PRELID2: variants seen among roughly 807,000 people sequenced by gnomAD.
PRELID2 encodes the protein PRELI domain-containing protein 2.
A neutral mutation model predicts 28.4 loss-of-function variants in PRELID2; 25 were observed. That is an observed-to-expected ratio of 0.88 (90% CI 0.64 to 1.23). The LOEUF (loss-of-function observed/expected upper bound fraction) is 1.23. Ranked by LOEUF, PRELID2 falls within the 50% of genes most tolerant of loss-of-function variation. The pLI, the probability that PRELID2 is intolerant of heterozygous loss-of-function variation, is 0.00. For synonymous variants in PRELID2, 76 were observed against 71.6 expected, an observed-to-expected ratio of 1.06 and a Z score of -0.31; for missense variants, 201 against 214.4, an observed-to-expected ratio of 0.94 and a Z score of 0.39.
the PRELID2 span, among the ~76,000 whole-genome samples, chr5:145,304,843 A>G: frequency 6.6e-6 from 1 of 152,146 alleles, no homozygotes; most frequent in Non-Finnish European, 1.5e-5. Flanking sequence ...AATTTTGTAA[A>G]CAAAATTTCA....
At chr5:145,586,375 G>T (rs1753155084) in intron 1 of PRELID2, among the ~76,000 whole-genome samples, 1 of 152,068 alleles carries the variant, frequency 6.6e-6, no homozygotes, top group Admixed American at 6.6e-5. Context: ...AGGTGCAGTG[G>T]CTCACACATG....
the PRELID2 span, among the ~76,000 whole-genome samples, chr5:145,334,687 C>T: frequency 6.6e-6 from 1 of 151,956 alleles, no homozygotes; most frequent in Non-Finnish European, 1.5e-5. Flanking sequence ...GTCAAACTTC[C>T]TCAGCATTTC....
the PRELID2 span, among the ~76,000 whole-genome samples, chr5:145,454,192 G>C: frequency 6.6e-6 from 1 of 152,066 alleles, no homozygotes; most frequent in African/African-American, 2.4e-5. Context: ...TTATGGTTTG[G>C]ATTTGATGCA....
exon 3 of PRELID2, chr5:145,471,985 A>C (rs1488268126): frequency 6.6e-6 from 1 of 152,160 alleles, no homozygotes; most frequent in African/African-American, 2.4e-5. Context: ...ATCATTGTTT[A>C]GTCTTTCTTT....
intron 1 of PRELID2, among the ~76,000 whole-genome samples, chr5:145,711,254 CA>C (rs1755687160): frequency 6.6e-6 from 1 of 152,040 alleles, no homozygotes; most frequent in African/African-American, 2.4e-5. Flanking sequence ...GCCATTCTAA[CA>C]AAAAGAATAG....
the PRELID2 span, among the ~76,000 whole-genome samples, chr5:145,304,958 G>A: frequency 2.2e-4 from 34 of 152,276 alleles, no homozygotes; most frequent in Non-Finnish European, 4.0e-4. Flanking sequence ...GAATAAATGA[G>A]TAAGAAAGTA....
At chr5:145,618,283 T>G (rs539849712) in intron 1 of PRELID2, among the ~76,000 whole-genome samples, 1 of 152,322 alleles carries the variant, frequency 6.6e-6, no homozygotes, top group African/African-American at 2.4e-5. Context: ...CTGAGTTGGT[T>G]TTCTGGTTCC....
At chr5:145,713,251 A>C (rs1003828170) in intron 1 of PRELID2, among the ~76,000 whole-genome samples, 1 of 151,020 alleles carries the variant, frequency 6.6e-6, no homozygotes, top group Non-Finnish European at 1.5e-5. Flanking sequence ...TTAAACTACT[A>C]AAAGCCAAAG....
intron 1 of PRELID2, among the ~76,000 whole-genome samples, chr5:145,562,318 G>C (rs1485867368): frequency 6.6e-6 from 1 of 152,124 alleles, no homozygotes; most frequent in Non-Finnish European, 1.5e-5. Flanking sequence ...CTTGACTCCA[G>C]AAAAAACCTC....
At chr5:145,356,393 G>A in the PRELID2 span, among the ~76,000 whole-genome samples, 1 of 151,954 alleles carries the variant, frequency 6.6e-6, no homozygotes, top group Non-Finnish European at 1.5e-5. Flanking sequence ...CTATTATTGT[G>A]CAGTTATTTA....
chr5:145,688,336 GACT>G (rs781747619), intron 1 of PRELID2, among the ~76,000 whole-genome samples: 1 of 152,170 alleles, frequency 6.6e-6, no homozygotes, highest in Non-Finnish European at 1.5e-5. Flanking sequence ...CTTAGGGCGT[GACT>G]TGCATCAGCA....
chr5:145,286,699 TTTGTTTTTTTTTGTTTGTTTGTTTG>T, the PRELID2 span, among the ~76,000 whole-genome samples: 28 of 117,234 alleles, frequency 2.4e-4, 1 homozygote, highest in African/African-American at 1.1e-3. Flanking sequence ...CATAGAAGTT[TTTGTTTTTTTTTGTTTGTTTGTTTG>T]TTTTTTTTTT....
intron 2 of PRELID2, among the ~76,000 whole-genome samples, chr5:145,821,139 T>C (rs1038391567): frequency 2.1e-5 from 1 of 47,340 alleles, no homozygotes; most frequent in Non-Finnish European, 5.8e-5. Context: ...CTGATGGTCA[T>C]CCAACTCTCC....
intron 4 of PRELID2, among the ~76,000 whole-genome samples, chr5:145,814,708 T>C (rs148223650): frequency 7.9e-5 from 12 of 151,056 alleles, no homozygotes; most frequent in African/African-American, 2.9e-4. Context: ...CACAGAATAA[T>C]AACAAAAAAA....
intron 1 of PRELID2, among the ~76,000 whole-genome samples, chr5:145,742,260 A>G (rs1405660479): frequency 7.1e-6 from 1 of 141,324 alleles, no homozygotes; most frequent in Non-Finnish European, 1.5e-5. Flanking sequence ...AATAAAATAT[A>G]TATTTTTAAT....
At chr5:145,351,669 T>C in the PRELID2 span, among the ~76,000 whole-genome samples, 1 of 152,078 alleles carries the variant, frequency 6.6e-6, no homozygotes, top group African/African-American at 2.4e-5. Context: ...AAAGTCTAGC[T>C]CATTCTACCA....
At chr5:145,620,345 G>A (rs1270322697) in intron 1 of PRELID2, among the ~76,000 whole-genome samples, 2 of 152,150 alleles carry the variant, frequency 1.3e-5, no homozygotes, top group East Asian at 1.9e-4. Context: ...ACATTTGTCC[G>A]AGCCTACAGA....
the PRELID2 span, among the ~76,000 whole-genome samples, chr5:145,239,695 T>C: frequency 6.6e-6 from 1 of 152,024 alleles, no homozygotes; most frequent in Non-Finnish European, 1.5e-5. Flanking sequence ...AAGTTATCCA[T>C]GGAGATATTT....
At chr5:145,267,505 G>A in the PRELID2 span, among the ~76,000 whole-genome samples, 1 of 152,096 alleles carries the variant, frequency 6.6e-6, no homozygotes, top group Admixed American at 6.6e-5. Context: ...TTTAATGGCT[G>A]AATAGTAAGT....
Sources: allele counts gnomAD v4.1 joint callset (sites outside exome capture counted in the v4.1 genomes callset), GRCh38; gene constraint gnomAD v4.1.1; transcripts MANE v1.5; gene names NCBI Gene and HGNC (gene_info 2026-07-23, HGNC 2026-07-21).